SNTB2: variants seen among roughly 807,000 people sequenced by gnomAD.
The protein encoded by SNTB2 is syntrophin beta 2.
A neutral mutation model predicts 46.2 loss-of-function variants in SNTB2; 34 were observed. The ratio of observed to expected loss-of-function variants is 0.74; its 90% CI spans 0.56 to 0.98. SNTB2 has a LOEUF of 0.98. Ranked by LOEUF, SNTB2 falls within the 50% of genes least tolerant of loss-of-function variation. SNTB2 has a pLI of 0.00. For synonymous variants in SNTB2, 290 were observed against 312.6 expected (o/e 0.93, Z 0.76); for missense variants, 603 against 731.4 (o/e 0.82, Z 2.02).
chr16:69,282,039 G>A (rs1389332890), intron 4 of SNTB2, among the ~76,000 whole-genome samples: 1 of 149,470 alleles, frequency 6.7e-6, no homozygotes, highest in East Asian at 2.1e-4. Context: ...CCGAGTAGCT[G>A]AGATTACAGG....
chr16:69,294,643 G>C (rs532039593), intron 5 of SNTB2, among the ~76,000 whole-genome samples: 1 of 151,980 alleles, frequency 6.6e-6, no homozygotes, highest in South Asian at 2.1e-4. Flanking sequence ...TGAGGCAGGA[G>C]AATCGTTTGA....
chr16:69,187,361 C>A lies in SNTB2; in HGVS notation c.195C>A (p.Pro65=). ...CCGAGCTGGAGCCCGCTCTGGGACC[C>A]GCGGCCGCCGCCTTCAACGGCCTCC... The part of the protein sequence containing the change: ...AAAELEPALG[P]AAAAFNGLPN... Residue 65 remains proline (P), a synonymous_variant, in exon 1 of 7, where the codon CCC becomes CCA. Transcript: ENST00000336278. 3 of 1,394,532 alleles carry A rather than the reference C, an allele frequency of 2.2e-6. No homozygotes were observed. Among genetic ancestry groups the A allele is most frequent in the Non-Finnish European group, 2.8e-6 (3 of 1,073,370 alleles). The allele number at this position is 1,394,532 out of a possible 1,614,324, so 86.4% of individuals were successfully genotyped here.
intron 1 of SNTB2, among the ~76,000 whole-genome samples, chr16:69,220,439 C>T (rs986374763): frequency 3.9e-5 from 6 of 151,958 alleles, no homozygotes; most frequent in African/African-American, 9.6e-5. Context: ...GGATTACAGG[C>T]GTGAGCCACT....
intron 5 of SNTB2, among the ~76,000 whole-genome samples, chr16:69,290,571 T>C (rs1965150543): frequency 6.6e-6 from 1 of 150,934 alleles, no homozygotes; most frequent in East Asian, 1.9e-4. Context: ...TCTTAGAAAT[T>C]ATCTTGAGTC....
intron 1 of SNTB2, among the ~76,000 whole-genome samples, chr16:69,189,607 G>C (rs1964030234): frequency 6.6e-6 from 1 of 152,140 alleles, no homozygotes; most frequent in Non-Finnish European, 1.5e-5. Context: ...CGTGGTGGCA[G>C]ATGCCTGTAA....
At position 69,273,040 on chromosome 16, in the gene SNTB2, T is replaced by C. The variant is rs1258495119; in HGVS notation, c.1148+2755T>C. Reference sequence around the variant, plus strand: ...ATCAAAACCACAGTGAGATATCATTTCCCACCCACTGGGATGGCTATAATT... The same window carrying C: ...ATCAAAACCACAGTGAGATATCATTCCCCACCCACTGGGATGGCTATAATT... On this transcript the variant is annotated intron_variant, in intron 4 of 6. Coordinates refer to ENST00000336278, the MANE Select transcript of SNTB2 (RefSeq NM_006750.4). 2.0e-5 allele frequency among the ~76,000 whole-genome samples: 3 copies of C among 152,124 alleles called. No individual in the cohort carries two copies. The East Asian group carries it at 5.8e-4, about 29-fold the overall frequency.
Position 69,221,920 on chromosome 16 carries a change from G to C in SNTB2, c.581-23682G>C, listed in dbSNP as rs922235138. Among the ~76,000 whole-genome samples, 91 of 152,326 alleles carry C rather than the reference G, an allele frequency of 6.0e-4. 1 individual carries two copies. Among genetic ancestry groups the C allele is most frequent in the African/African-American group, 2.1e-3 (86 of 41,584 alleles). ...CATGGAACTCAGGTATGAGCTGATA[G>C]ATACAAAGCAAAGCAAAACAAAACC... On this transcript the variant is annotated intron_variant, in intron 1 of 6. Coordinates refer to ENST00000336278, the MANE Select transcript of SNTB2 (RefSeq NM_006750.4).
At chr16:69,277,524 G>T (rs1964994778) in intron 4 of SNTB2, among the ~76,000 whole-genome samples, 1 of 152,134 alleles carries the variant, frequency 6.6e-6, no homozygotes, top group Non-Finnish European at 1.5e-5. Context: ...CTATTGATAA[G>T]GTTTCATATT....
chr16:69,293,288 A>G (rs931702208), intron 5 of SNTB2, among the ~76,000 whole-genome samples: 1 of 152,190 alleles, frequency 6.6e-6, no homozygotes, highest in African/African-American at 2.4e-5. Context: ...CTGTCTATCC[A>G]TAAGTCGGGA....
chr16:69,248,112 T>C (rs1197208362), intron 2 of SNTB2, among the ~76,000 whole-genome samples: 5 of 152,064 alleles, frequency 3.3e-5, no homozygotes, highest in Admixed American at 3.3e-4. Context: ...GACAGAACAA[T>C]ATCCTGTCTC....
chr16:69,292,977 C>T (rs1014721116), intron 5 of SNTB2, among the ~76,000 whole-genome samples: 5 of 151,854 alleles, frequency 3.3e-5, no homozygotes, highest in African/African-American at 7.3e-5. Flanking sequence ...GAAGGAAAAC[C>T]GGGATTGGTG....
intron 2 of SNTB2, among the ~76,000 whole-genome samples, chr16:69,257,796 T>C (rs1055024379): frequency 2.6e-5 from 4 of 152,198 alleles, no homozygotes; most frequent in Non-Finnish European, 4.4e-5. Context: ...CCTATTTTGC[T>C]GTTACCATAG....
chr16:69,198,368 C>T (rs1477322734), intron 1 of SNTB2, among the ~76,000 whole-genome samples: 1 of 152,128 alleles, frequency 6.6e-6, no homozygotes, highest in Admixed American at 6.6e-5. Flanking sequence ...CTCGGCCTCC[C>T]AAAGTGCTGG....
At chr16:69,218,739 A>T (rs1203146787) in intron 1 of SNTB2, among the ~76,000 whole-genome samples, 1 of 152,162 alleles carries the variant, frequency 6.6e-6, no homozygotes, top group Non-Finnish European at 1.5e-5. Flanking sequence ...ACAATTTTTT[A>T]AAATCTCAAA....
chr16:69,236,185 G>A (rs920453673), intron 1 of SNTB2, among the ~76,000 whole-genome samples: 1 of 152,102 alleles, frequency 6.6e-6, no homozygotes, highest in Admixed American at 6.6e-5. Context: ...TATTTGAGGG[G>A]ACAGAAGAGA....
intron 3 of SNTB2, among the ~76,000 whole-genome samples, chr16:69,265,921 A>G (rs1964879869): frequency 6.6e-6 from 1 of 152,150 alleles, no homozygotes; most frequent in African/African-American, 2.4e-5. Flanking sequence ...CAAGCAAACT[A>G]AAGCCCTAAC....
chr16:69,256,791 G>A (rs1413249806), intron 2 of SNTB2, among the ~76,000 whole-genome samples: 3 of 152,184 alleles, frequency 2.0e-5, no homozygotes, highest in African/African-American at 4.8e-5. Flanking sequence ...GTGTACAAAT[G>A]TCTCATAAAA....
At chr16:69,219,836 C>G (rs1026808305) in intron 1 of SNTB2, among the ~76,000 whole-genome samples, 10 of 151,816 alleles carry the variant, frequency 6.6e-5, no homozygotes, top group Admixed American at 6.6e-4. Context: ...CTGCAACCTC[C>G]GACTCCCTGG....
intron 5 of SNTB2, among the ~76,000 whole-genome samples, chr16:69,290,346 TA>T (rs1451302552): frequency 1.3e-5 from 2 of 152,214 alleles, no homozygotes; most frequent in Non-Finnish European, 2.9e-5. Flanking sequence ...TTTAAGCCAT[TA>T]AAGTTTTTAA....
Sources: allele counts gnomAD v4.1 joint callset (sites outside exome capture counted in the v4.1 genomes callset), GRCh38; gene constraint gnomAD v4.1.1; transcripts MANE v1.5; gene names NCBI Gene and HGNC (gene_info 2026-07-23, HGNC 2026-07-21).